The following IMPG1 variants were observed in gnomAD, a reference collection of about 807,000 sequenced individuals.
The protein encoded by IMPG1 is interphotoreceptor matrix proteoglycan 1.
Under a neutral mutation model 92.0 loss-of-function variants are expected in IMPG1, and 85 were observed. The ratio of observed to expected loss-of-function variants is 0.92; its 90% CI spans 0.78 to 1.11. The LOEUF is 1.11. IMPG1 is among the 50% of genes least tolerant of loss of function. The pLI is 0.00. For missense variants in IMPG1, 1,022 were observed against 956.0 expected (o/e 1.07, Z -0.91); for synonymous variants, 367 against 334.1 (o/e 1.10, Z -1.08).
chr6:75,954,472 C>T (rs1782084380), intron 12 of IMPG1, among the ~76,000 whole-genome samples: 1 of 151,904 alleles, frequency 6.6e-6, no homozygotes, highest in African/African-American at 2.4e-5. Flanking sequence ...TTGTTTTTTC[C>T]TTGTAAATTT....
At chr6:75,930,494 C>CT (rs1253252833) in intron 15 of IMPG1, among the ~76,000 whole-genome samples, 2 of 152,118 alleles carry the variant, frequency 1.3e-5, no homozygotes, top group African/African-American at 4.8e-5. Context: ...GGATTTTTAT[C>CT]TTTTTTTCTC....
At chr6:76,071,703 C>T (rs1784405386) in intron 1 of IMPG1, among the ~76,000 whole-genome samples, 1 of 151,968 alleles carries the variant, frequency 6.6e-6, no homozygotes, top group South Asian at 2.1e-4. Context: ...CTTCAAATGT[C>T]TTAAAAAGAT....
chr6:76,048,556 C>T lies in IMPG1; in HGVS notation c.68-6430G>A, dbSNP rs146753708. On this transcript the variant is annotated intron_variant, in intron 1 of 16. Coordinates refer to ENST00000369950, the MANE Select transcript of IMPG1 (RefSeq NM_001563.4). ...CAACTCTCCACTTAGGCAGCAGGTC[C>T]CATCCTTTTTCACCTTTCAAGAACA... is the stretch of plus-strand genomic sequence containing the variant. Among the ~76,000 whole-genome samples the T allele has an allele frequency of 3.2e-3, 494 of 152,270 alleles. 4 individuals are homozygous for T. Among genetic ancestry groups the T allele is most frequent in the African/African-American group, 0.011 (468 of 41,552 alleles).
intron 12 of IMPG1, among the ~76,000 whole-genome samples, chr6:75,970,348 A>G (rs1328496399): frequency 1.3e-5 from 2 of 151,276 alleles, no homozygotes; most frequent in African/African-American, 4.9e-5. Context: ...TTTTTTTAAT[A>G]TGCTGCATTT....
chr6:76,028,742 C>G (rs541847509), intron 4 of IMPG1, among the ~76,000 whole-genome samples: 5 of 152,076 alleles, frequency 3.3e-5, no homozygotes, highest in Admixed American at 1.3e-4. Context: ...AGGCTTGAAC[C>G]TGGGAGGCAG....
At chr6:76,047,386 G>T (rs1783963585) in intron 1 of IMPG1, among the ~76,000 whole-genome samples, 1 of 152,156 alleles carries the variant, frequency 6.6e-6, no homozygotes, top group Non-Finnish European at 1.5e-5. Context: ...CCTCCAGGGT[G>T]GTTCATATCT....
chr6:75,969,873 T>C (rs1254763468), intron 12 of IMPG1, among the ~76,000 whole-genome samples: 1 of 152,218 alleles, frequency 6.6e-6, no homozygotes, highest in Non-Finnish European at 1.5e-5. Context: ...ATTTTACCAC[T>C]ATCTTTCTAT....
At chr6:76,005,943 T>C (rs1202619544) in intron 9 of IMPG1, among the ~76,000 whole-genome samples, 2 of 151,962 alleles carry the variant, frequency 1.3e-5, no homozygotes, top group Non-Finnish European at 2.9e-5. Context: ...GCCCAGGTGA[T>C]CCTTCTGCCT....
intron 1 of IMPG1, among the ~76,000 whole-genome samples, chr6:76,066,411 T>C (rs962466559): frequency 6.6e-6 from 1 of 152,012 alleles, no homozygotes; most frequent in African/African-American, 2.4e-5. Flanking sequence ...AAGGAGTAGC[T>C]ATAGTTACAC....
intron 12 of IMPG1, among the ~76,000 whole-genome samples, chr6:75,955,495 T>C (rs1251478003): frequency 6.6e-6 from 1 of 152,148 alleles, no homozygotes; most frequent in Non-Finnish European, 1.5e-5. Context: ...TAAGGAGATT[T>C]TGGGCTGGGA....
Position 75,971,490 on chromosome 6 carries a change from C to T in IMPG1, c.1292-20396G>A, listed in dbSNP as rs1305295839. Among the ~76,000 whole-genome samples the T allele has an allele frequency of 3.3e-5, 5 of 152,142 alleles. No individual in the cohort carries two copies. The South Asian group carries it at 8.3e-4, about 25-fold the overall frequency. On this transcript the variant is annotated intron_variant, in intron 12 of 16. Coordinates refer to ENST00000369950, the MANE Select transcript of IMPG1 (RefSeq NM_001563.4). ...TAATAATAATAAAAAAAAATCATCT[C>T]TACTTTCATAAGAGAAGTGATTTTC...
At chr6:75,935,107 T>C in intron 14 of IMPG1, 2 of 452,890 alleles carry the variant, frequency 4.4e-6, no homozygotes, top group Non-Finnish European at 9.2e-6. Flanking sequence ...TGGCGCTCAA[T>C]AGCAAAAGAA....
chr6:76,013,077 TGA>T (rs1783218162), intron 7 of IMPG1, among the ~76,000 whole-genome samples: 1 of 152,138 alleles, frequency 6.6e-6, no homozygotes, highest in South Asian at 2.1e-4. Context: ...TTTATGTGTG[TGA>T]GTGGGCAGAG....
At chr6:75,953,932 G>A (rs1782076396) in intron 12 of IMPG1, among the ~76,000 whole-genome samples, 1 of 152,084 alleles carries the variant, frequency 6.6e-6, no homozygotes, top group Admixed American at 6.6e-5. Flanking sequence ...ACCCTGCAAA[G>A]GACATGAACT....
At chr6:76,043,858 G>A (rs1783888098) in intron 1 of IMPG1, among the ~76,000 whole-genome samples, 1 of 152,178 alleles carries the variant, frequency 6.6e-6, no homozygotes, top group African/African-American at 2.4e-5. Flanking sequence ...CCTCGGGCAG[G>A]CTTCCATCAA....
intron 14 of IMPG1, among the ~76,000 whole-genome samples, chr6:75,932,010 A>G (rs558765761): frequency 6.6e-6 from 1 of 152,364 alleles, no homozygotes; most frequent in Admixed American, 6.5e-5. Flanking sequence ...TCATCAGACC[A>G]CTGTTGTTTC....
Position 75,950,841 on chromosome 6 carries a change from C to G in IMPG1, c.1545G>C (p.Met515Ile), listed in dbSNP as rs376133758. ...GATCCATTTCATCTAGGTGTCTGAC[C>G]ATATCTTCGCCACCTGCACTTGATC... ...DSRSSAGGED[M>I]VRHLDEMDLS... The change falls in exon 13 of 17, where the codon ATG becomes ATC. Residue 515 changes from methionine (M) to isoleucine (I), a missense_variant. Physicochemically the swap from Met to Ile is conservative, Grantham distance 10. Around this residue, in one of 3 missense-constraint regions of IMPG1, gnomAD observed 332 missense variants for 346.2 expected, o/e 0.96. Coordinates refer to ENST00000369950, the MANE Select transcript of IMPG1 (RefSeq NM_001563.4). 5.0e-6 allele frequency: 8 copies of G among 1,613,770 alleles called. No homozygotes were observed. Among genetic ancestry groups the G allele is most frequent in the Non-Finnish European group, 6.8e-6 (8 of 1,179,934 alleles).
intron 12 of IMPG1, among the ~76,000 whole-genome samples, chr6:75,957,957 G>C (rs1782156249): frequency 6.6e-6 from 1 of 152,152 alleles, no homozygotes; most frequent in South Asian, 2.1e-4. Flanking sequence ...TATGATGTTA[G>C]CTGGTTATTT....
At position 75,921,842 on chromosome 6, in the gene IMPG1, A is replaced by G. The variant is rs1276984324; in HGVS notation, c.*247T>C. 3.0e-6 allele frequency: 1 copy of G among 328,434 alleles called. No individual in the cohort carries two copies. Among genetic ancestry groups the G allele is most frequent in the Non-Finnish European group, 5.6e-6 (1 of 179,726 alleles). 20.3% of individuals were successfully genotyped at this position (328,434 alleles called of 1,614,324 possible). On this transcript the variant is annotated 3_prime_UTR_variant, in exon 17 of 17. Coordinates refer to ENST00000369950, the MANE Select transcript of IMPG1 (RefSeq NM_001563.4). Reference sequence around the variant, plus strand: ...TGATCATTTTGACTATCATCCAAGAATAGTAAAAATATGTTTCGCTGATTG... The same window carrying G: ...TGATCATTTTGACTATCATCCAAGAGTAGTAAAAATATGTTTCGCTGATTG...
Sources: gnomAD v4.1 joint callset for allele counts (sites outside exome capture counted in the v4.1 genomes callset) on GRCh38, gnomAD v4.1.1 for gene constraint, gnomAD v4.1.1 regional missense constraint, MANE v1.5 for transcripts, NCBI Gene and HGNC (gene_info 2026-07-23, HGNC 2026-07-21) for gene names.